Variants in CLEC16A observed in about 807,000 individuals in gnomAD.
CLEC16A encodes the protein C-type lectin domain containing 16A, also known as protein CLEC16A.
A neutral mutation model predicts 109.5 loss-of-function variants in CLEC16A; 51 were observed. The observed-to-expected ratio is 0.47, with a 90% CI of 0.37 to 0.59. CLEC16A has a LOEUF of 0.59. CLEC16A is among the 20% of genes least tolerant of loss of function. The pLI, the probability that CLEC16A is intolerant of heterozygous loss-of-function variation, is 0.00. For missense variants in CLEC16A, 1,339 were observed against 1,394.0 expected, an observed-to-expected ratio of 0.96 and a Z score of 0.63; for synonymous variants, 673 against 564.2, an observed-to-expected ratio of 1.19 and a Z score of -2.73.
Position 11,094,772 on chromosome 16 carries a change from G to T in CLEC16A, c.2117-25843G>T, listed in dbSNP as rs183409132. Among the ~76,000 whole-genome samples, 7 of 152,334 alleles carry T rather than the reference G, an allele frequency of 4.6e-5. No homozygotes were observed. The East Asian group carries it at 1.3e-3, about 29-fold the overall frequency. ...AGCTCAAATGTGAAAAATTAGGTTTGCATGGTTGCCATGAATTTTACGTGA... is the reference window on the plus strand; with the variant it reads ...AGCTCAAATGTGAAAAATTAGGTTTTCATGGTTGCCATGAATTTTACGTGA... On this transcript the variant is annotated intron_variant, in intron 19 of 23. Transcript: ENST00000409790.
intron 11 of CLEC16A, among the ~76,000 whole-genome samples, chr16:11,008,284 G>T (rs941611775): frequency 2.6e-5 from 4 of 152,190 alleles, no homozygotes; most frequent in African/African-American, 9.7e-5. Context: ...GGGCAACTGA[G>T]AAAATCCTTG....
At chr16:10,964,851 C>T (rs1432101384) in intron 3 of CLEC16A, among the ~76,000 whole-genome samples, 4 of 152,182 alleles carry the variant, frequency 2.6e-5, no homozygotes, top group Non-Finnish European at 4.4e-5. Context: ...ACATATCCAT[C>T]ACCTCACTTT....
chr16:11,179,093 G>A lies in CLEC16A; in HGVS notation c.*403G>A. On this transcript the variant is annotated 3_prime_UTR_variant, in exon 24 of 24. Coordinates refer to ENST00000409790, the MANE Select transcript of CLEC16A (RefSeq NM_015226.3). ...ACCAGGTCACTGTACGTAGAAATTT[G>A]TAGAAAAGCAGACTTAGATAAACAT... is the stretch of plus-strand genomic sequence containing the variant. 5.3e-6 allele frequency: 1 copy of A among 188,606 alleles called. No individual in the cohort carries two copies. Among genetic ancestry groups the A allele is most frequent in the Non-Finnish European group, 1.1e-5 (1 of 92,710 alleles). The allele number at this position is 188,606 out of a possible 1,614,324, so 11.7% of individuals were successfully genotyped here.
At chr16:11,165,852 C>T (rs113593596) in intron 22 of CLEC16A, among the ~76,000 whole-genome samples, 120 of 152,322 alleles carry the variant, frequency 7.9e-4, no homozygotes, top group African/African-American at 2.7e-3. Flanking sequence ...TTCGTTGTTC[C>T]TGAACCTGAC....
At chr16:11,082,377 C>T (rs1048859221) in intron 19 of CLEC16A, among the ~76,000 whole-genome samples, 183 of 152,308 alleles carry the variant, frequency 1.2e-3, no homozygotes, top group African/African-American at 4.0e-3. Context: ...ACCTAGGGTC[C>T]GGTCTTTCAA....
intron 10 of CLEC16A, among the ~76,000 whole-genome samples, chr16:10,986,029 T>C (rs1377853886): frequency 9.2e-6 from 1 of 109,026 alleles, no homozygotes; most frequent in African/African-American, 3.8e-5. Context: ...TTTTTTTTTT[T>C]TTTTTTTTTT....
intron 1 of CLEC16A, among the ~76,000 whole-genome samples, chr16:10,957,087 G>A (rs117658390): frequency 0.018 from 2,713 of 152,246 alleles, 41 homozygotes; most frequent in Non-Finnish European, 0.027. Flanking sequence ...ATGAGCCACC[G>A]CTCCCAGCCA....
chr16:11,075,552 T>G (rs2049323841), intron 19 of CLEC16A, among the ~76,000 whole-genome samples: 3 of 152,050 alleles, frequency 2.0e-5, no homozygotes, highest in Admixed American at 2.0e-4. Flanking sequence ...TCCTCCCACC[T>G]TAGCCTCTAG....
At chr16:11,146,977 A>C (rs2054087503) in intron 22 of CLEC16A, among the ~76,000 whole-genome samples, 1 of 152,112 alleles carries the variant, frequency 6.6e-6, no homozygotes, top group African/African-American at 2.4e-5. Context: ...TGCTGAGTTA[A>C]TGTCCAGTAA....
intron 19 of CLEC16A, among the ~76,000 whole-genome samples, chr16:11,087,416 C>A (rs1166697568): frequency 6.6e-6 from 1 of 152,218 alleles, no homozygotes; most frequent in East Asian, 1.9e-4. Context: ...AAGCAGTTAA[C>A]AAACCACATT....
chr16:10,980,900 T>C (rs561592031), intron 9 of CLEC16A, among the ~76,000 whole-genome samples: 10 of 152,352 alleles, frequency 6.6e-5, no homozygotes, highest in African/African-American at 2.4e-4. Context: ...CAAATTATTT[T>C]ACAAGCATAG....
At chr16:11,050,956 ACCC>A in intron 17 of CLEC16A, among the ~76,000 whole-genome samples, 1 of 152,206 alleles carries the variant, frequency 6.6e-6, no homozygotes, top group Non-Finnish European at 1.5e-5. Context: ...TGGCTCTGCC[ACCC>A]ACCAGCTGAG....
At chr16:11,168,361 G>C (rs1286002181) in intron 23 of CLEC16A, among the ~76,000 whole-genome samples, 1 of 152,222 alleles carries the variant, frequency 6.6e-6, no homozygotes, top group East Asian at 1.9e-4. Context: ...AGGTGGCCAG[G>C]CAGTTCCAGT....
At chr16:11,032,176 G>C (rs1372972503) in intron 13 of CLEC16A, among the ~76,000 whole-genome samples, 2 of 152,228 alleles carry the variant, frequency 1.3e-5, no homozygotes, top group Non-Finnish European at 2.9e-5. Context: ...GGGCATGAGA[G>C]CCTGTGGCAT....
Position 11,003,181 on chromosome 16 carries a change from C to T in CLEC16A, c.1179C>T (p.Tyr393=), listed in dbSNP as rs762716460. Residue 393 remains tyrosine, a synonymous_variant, in exon 11 of 24, where the codon TAC becomes TAT. Transcript: ENST00000409790. The part of the protein sequence containing the change: ...GKRRVQKRPN[Y]KNVGEEEDEE... ...GGCGGGTGCAAAAGAGACCCAACTACAAAAACGTTGGGGAAGAAGAAGATG... is the reference window on the plus strand; with the variant it reads ...GGCGGGTGCAAAAGAGACCCAACTATAAAAACGTTGGGGAAGAAGAAGATG... 6.2e-7 allele frequency: 1 copy of T among 1,613,340 alleles called. No homozygotes were observed. The highest frequency in any genetic ancestry group is 8.5e-7 in the Non-Finnish European group (1 of 1,179,826).
intron 21 of CLEC16A, among the ~76,000 whole-genome samples, chr16:11,125,379 TGC>T (rs1237125199): frequency 6.6e-6 from 1 of 152,198 alleles, no homozygotes; most frequent in East Asian, 1.9e-4. Flanking sequence ...TTGAGAATTA[TGC>T]TGTAAAGTGG....
At chr16:11,155,227 A>G (rs1304762426) in intron 22 of CLEC16A, among the ~76,000 whole-genome samples, 6 of 152,184 alleles carry the variant, frequency 3.9e-5, no homozygotes, top group East Asian at 1.9e-4. Flanking sequence ...CTACCTGAAC[A>G]TTTAGATTGC....
chr16:10,956,377 T>A lies in CLEC16A; in HGVS notation c.81-1405T>A, dbSNP rs368152912. ...TTTATGTCTTACCCGTTTTTAGAGA[T>A]TGTAGATGGGACAATCCTATCTAGA... is the stretch of plus-strand genomic sequence containing the variant. On this transcript the variant is annotated intron_variant, in intron 1 of 23. Transcript: ENST00000409790. 4.6e-5 allele frequency among the ~76,000 whole-genome samples: 7 copies of A among 152,338 alleles called. No individual in the cohort carries two copies. In the East Asian group the frequency reaches 1.3e-3, roughly 29 times the overall value.
intron 20 of CLEC16A, among the ~76,000 whole-genome samples, chr16:11,122,924 G>A (rs1216566902): frequency 2.2e-5 from 1 of 44,518 alleles, no homozygotes; most frequent in East Asian, 6.7e-4. Flanking sequence ...TTTTTTTTGA[G>A]ATGGAGTCTC....
Sources: allele counts gnomAD v4.1 joint callset (sites outside exome capture counted in the v4.1 genomes callset), GRCh38; gene constraint gnomAD v4.1.1; transcripts MANE v1.5; gene names NCBI Gene and HGNC (gene_info 2026-07-23, HGNC 2026-07-21).